ERCC6L2: variants seen among roughly 807,000 people sequenced by gnomAD.
ERCC6L2 encodes the protein ERCC excision repair 6 like 2, also known as DNA excision repair protein ERCC-6-like 2.
A neutral mutation model predicts 132.0 loss-of-function variants in ERCC6L2; 77 were observed. The observed-to-expected ratio is 0.58, with a 90% CI of 0.49 to 0.71. The LOEUF (loss-of-function observed/expected upper bound fraction) is 0.71. ERCC6L2 is among the 30% of genes least tolerant of loss of function. The pLI, the probability that ERCC6L2 is intolerant of heterozygous loss-of-function variation, is 0.00. For missense variants in ERCC6L2, 1,542 were observed against 1,837.6 expected, an observed-to-expected ratio of 0.84 and a Z score of 2.94; for synonymous variants, 583 against 632.4, an observed-to-expected ratio of 0.92 and a Z score of 1.17.
chr9:95,942,061 G>A (rs1455770594), intron 12 of ERCC6L2, among the ~76,000 whole-genome samples: 1 of 152,146 alleles, frequency 6.6e-6, no homozygotes, highest in African/African-American at 2.4e-5. Flanking sequence ...CAGAGAGATT[G>A]GCCGTAACAG....
At chr9:95,881,810 A>G (rs933820981) in intron 2 of ERCC6L2, among the ~76,000 whole-genome samples, 2 of 152,256 alleles carry the variant, frequency 1.3e-5, no homozygotes, top group African/African-American at 4.8e-5. Flanking sequence ...GTACACATAC[A>G]TACTTTCCTA....
intron 2 of ERCC6L2, among the ~76,000 whole-genome samples, chr9:95,891,024 C>A (rs1386813929): frequency 1.3e-5 from 2 of 152,162 alleles, no homozygotes; most frequent in African/African-American, 4.8e-5. Flanking sequence ...ACCAGACTGA[C>A]CAACATGGAG....
In ERCC6L2 at chr9:95,915,726, A is replaced by G. The variant is rs377624956; in HGVS notation, c.847A>G (p.Arg283Gly). Residue 283 changes from arginine (R) to glycine (G), a missense_variant, in exon 5 of 19, where the codon AGA becomes GGA. Arg to Gly is a moderately radical substitution (Grantham distance 125, BLOSUM62 -2). Around this residue, in one of 4 missense-constraint regions of ERCC6L2, gnomAD observed 945 missense variants for 1,105.2 expected, o/e 0.86. Transcript: ENST00000653738. ...EAHRIKNPKA[R>G]VTEVMKALKC... ...TCATAGAATCAAGAATCCAAAAGCT[A>G]GAGTAACAGAAGTTATGAAAGCTTT... is the stretch of plus-strand genomic sequence containing the variant. 6 of 1,613,800 alleles carry G rather than the reference A, an allele frequency of 3.7e-6. No individual in the cohort carries two copies. In the African/African-American group the frequency reaches 6.7e-5, roughly 18 times the overall value.
intron 18 of ERCC6L2, among the ~76,000 whole-genome samples, chr9:96,011,601 C>T (rs2133222478): frequency 6.6e-6 from 1 of 152,276 alleles, no homozygotes; most frequent in Non-Finnish European, 1.5e-5. Flanking sequence ...GTATCTTACA[C>T]TAAGAATACA....
intron 2 of ERCC6L2, among the ~76,000 whole-genome samples, chr9:95,896,800 A>G (rs1255652854): frequency 6.6e-6 from 1 of 151,996 alleles, no homozygotes; most frequent in Non-Finnish European, 1.5e-5. Flanking sequence ...TGTCTCAAGC[A>G]CCTGCTTGTG....
At chr9:95,965,360 T>C (rs1004502315) in intron 13 of ERCC6L2, among the ~76,000 whole-genome samples, 20 of 152,178 alleles carry the variant, frequency 1.3e-4, no homozygotes, top group African/African-American at 4.6e-4. Context: ...TGATATAAGG[T>C]TGTAAGGATT....
At chr9:95,880,173 C>T (rs929325423) in intron 1 of ERCC6L2, among the ~76,000 whole-genome samples, 8 of 152,052 alleles carry the variant, frequency 5.3e-5, no homozygotes, top group South Asian at 4.2e-4. Context: ...ATTCAAAACC[C>T]GGAAGAGGAA....
In ERCC6L2 at chr9:95,916,314, A is replaced by T; in HGVS notation, c.1038A>T (p.Thr346=). 6.2e-7 allele frequency: 1 copy of T among 1,614,164 alleles called. No homozygotes were observed. The highest frequency in any genetic ancestry group is 1.1e-5 in the South Asian group (1 of 91,076). Residue 346 remains threonine, a synonymous_variant, in exon 6 of 19, where the codon ACA becomes ACT. Transcript: ENST00000653738. Reference sequence around the variant, plus strand: ...AACATGGTCAGAGACACACGGCAACAAAGAGAGAACTAGCCACTGGCCGAA... The same window carrying T: ...AACATGGTCAGAGACACACGGCAACTAAGAGAGAACTAGCCACTGGCCGAA... ...PVEHGQRHTA[T]KRELATGRKA...
chr9:96,039,179 C>T (rs1195927936), intron 20 of ERCC6L2, among the ~76,000 whole-genome samples: 1 of 152,180 alleles, frequency 6.6e-6, no homozygotes, highest in African/African-American at 2.4e-5. Flanking sequence ...TGGGGTGATT[C>T]GTTAGCAGCA....
At chr9:95,958,965 T>C (rs564033719) in intron 13 of ERCC6L2, among the ~76,000 whole-genome samples, 1 of 150,898 alleles carries the variant, frequency 6.6e-6, no homozygotes, top group Non-Finnish European at 1.5e-5. Context: ...AGGTAATTTA[T>C]AGATTCAATG....
At chr9:95,953,388 A>T (rs746202393) in intron 12 of ERCC6L2, among the ~76,000 whole-genome samples, 2 of 152,110 alleles carry the variant, frequency 1.3e-5, no homozygotes, top group Non-Finnish European at 2.9e-5. Flanking sequence ...CATCCTAGCT[A>T]ACACGGTGAA....
At chr9:95,973,791 G>A (rs1012647661) in intron 16 of ERCC6L2, among the ~76,000 whole-genome samples, 18 of 152,220 alleles carry the variant, frequency 1.2e-4, no homozygotes, top group African/African-American at 3.6e-4. Context: ...TTATGGTTCA[G>A]TCTCATCCAT....
chr9:95,894,784 C>T (rs750924059), intron 2 of ERCC6L2, among the ~76,000 whole-genome samples: 84 of 151,962 alleles, frequency 5.5e-4, no homozygotes, highest in South Asian at 1.9e-3. Context: ...TTAGTAGAAA[C>T]GGGATTTCAC....
chr9:95,955,783 T>C, intron 12 of ERCC6L2, 131 bp from the exon 13 acceptor site: 1 of 487,236 alleles, frequency 2.1e-6, no homozygotes, highest in East Asian at 3.6e-5. Flanking sequence ...ATAGAGCATA[T>C]TTAAACATAA....
At chr9:96,001,720 A>T (rs1833687769) in intron 17 of ERCC6L2, among the ~76,000 whole-genome samples, 1 of 152,250 alleles carries the variant, frequency 6.6e-6, no homozygotes, top group Admixed American at 6.5e-5. Flanking sequence ...GTGTGCTCGC[A>T]TTCCTCAGCC....
At chr9:95,922,655 T>G (rs182060914) in intron 8 of ERCC6L2, among the ~76,000 whole-genome samples, 31 of 152,330 alleles carry the variant, frequency 2.0e-4, no homozygotes, top group African/African-American at 7.5e-4. Context: ...GTTCATATCT[T>G]TATTTTTCAA....
At chr9:96,028,153 C>A (rs1834407679) in intron 19 of ERCC6L2, among the ~76,000 whole-genome samples, 1 of 152,038 alleles carries the variant, frequency 6.6e-6, no homozygotes, top group Admixed American at 6.5e-5. Flanking sequence ...CACTGAGCAT[C>A]TGTTTTCAGA....
At chr9:95,946,660 T>C (rs1831079133) in intron 12 of ERCC6L2, among the ~76,000 whole-genome samples, 1 of 152,254 alleles carries the variant, frequency 6.6e-6, no homozygotes. Context: ...CACTTCACTT[T>C]ATTGTGCTTC....
At chr9:96,039,078 A>G (rs937188750) in exon 20 of ERCC6L2, 5 of 376,884 alleles carry the variant, frequency 1.3e-5, no homozygotes, top group Admixed American at 3.3e-5. Context: ...CTTCACTGCA[A>G]CCTCACGAGA....
Sources: gnomAD v4.1 joint callset for allele counts (sites outside exome capture counted in the v4.1 genomes callset) on GRCh38, gnomAD v4.1.1 for gene constraint, gnomAD v4.1.1 regional missense constraint, MANE v1.5 for transcripts, NCBI Gene and HGNC (gene_info 2026-07-23, HGNC 2026-07-21) for gene names.